The following CLVS2 variants were observed in gnomAD, a reference collection of about 807,000 sequenced individuals.
The protein encoded by CLVS2 is clavesin 2, also known as clavesin-2.
A neutral mutation model predicts 29.0 loss-of-function variants in CLVS2; 19 were observed. The ratio of observed to expected loss-of-function variants is 0.66; its 90% CI spans 0.46 to 0.96. CLVS2 has a LOEUF of 0.96. Ranked by LOEUF, CLVS2 falls within the 40% of genes least tolerant of loss-of-function variation. The pLI is 0.00. For synonymous variants in CLVS2, 161 were observed against 151.3 expected, an observed-to-expected ratio of 1.06 and a Z score of -0.47; for missense variants, 294 against 404.1, an observed-to-expected ratio of 0.73 and a Z score of 2.34.
At chr6:123,010,707 A>AT (rs1774735885) in intron 2 of CLVS2, among the ~76,000 whole-genome samples, 1 of 152,054 alleles carries the variant, frequency 6.6e-6, no homozygotes, top group Admixed American at 6.6e-5. Flanking sequence ...GTTGAATGAG[A>AT]TTTTAGAAAA....
At chr6:123,012,538 C>A (rs1027824797) in intron 3 of CLVS2, among the ~76,000 whole-genome samples, 3 of 151,142 alleles carry the variant, frequency 2.0e-5, no homozygotes, top group Admixed American at 1.3e-4. Context: ...TTGCTATTTT[C>A]CAACCTACTT....
At chr6:123,058,824 T>A (rs985177300) in intron 5 of CLVS2, among the ~76,000 whole-genome samples, 1 of 152,028 alleles carries the variant, frequency 6.6e-6, no homozygotes, top group African/African-American at 2.4e-5. Flanking sequence ...GTTAATTTTT[T>A]ATTTTTATTT....
At chr6:123,026,898 A>G (rs562862823) in intron 3 of CLVS2, among the ~76,000 whole-genome samples, 73 of 152,338 alleles carry the variant, frequency 4.8e-4, no homozygotes, top group African/African-American at 1.7e-3. Flanking sequence ...CTTTTAAACA[A>G]TATGCATTGT....
At position 123,065,476 on chromosome 6, in the gene CLVS2, C is replaced by T. The variant is rs537354821; in HGVS notation, c.*1715C>T. On this transcript the variant is annotated 3_prime_UTR_variant, in exon 6 of 6. Transcript: ENST00000275162. ...GGACTGCCTCATGTGTGTAAAAATA[C>T]ATTAATTAACACAAATGAAAGATAC... 3.9e-5 allele frequency: 6 copies of T among 151,900 alleles called. No individual in the cohort carries two copies. In the South Asian group the frequency reaches 6.2e-4, roughly 16 times the overall value. 9.4% of individuals were successfully genotyped at this position (151,900 alleles called of 1,614,324 possible).
At chr6:123,054,014 C>T (rs894167330) in intron 4 of CLVS2, among the ~76,000 whole-genome samples, 2 of 152,014 alleles carry the variant, frequency 1.3e-5, no homozygotes, top group Non-Finnish European at 2.9e-5. Context: ...AAAGTGGAAG[C>T]AAGGCCAAAG....
At chr6:123,060,059 C>T (rs900815512) in intron 5 of CLVS2, among the ~76,000 whole-genome samples, 3 of 152,184 alleles carry the variant, frequency 2.0e-5, no homozygotes, top group African/African-American at 4.8e-5. Context: ...AATGGCAGTT[C>T]GCCATCCAGG....
At chr6:123,020,558 C>T (rs954935625) in intron 3 of CLVS2, among the ~76,000 whole-genome samples, 15 of 151,942 alleles carry the variant, frequency 9.9e-5, no homozygotes, top group Admixed American at 3.9e-4. Context: ...GAGAGTTTCA[C>T]GATAAAGTCT....
intron 5 of CLVS2, among the ~76,000 whole-genome samples, chr6:123,057,924 C>T (rs1317520560): frequency 6.6e-6 from 1 of 152,052 alleles, no homozygotes; most frequent in East Asian, 1.9e-4. Context: ...AAGTTGTATG[C>T]AAAATTTTGT....
chr6:123,050,407 A>G (rs928224871), intron 4 of CLVS2, among the ~76,000 whole-genome samples: 2 of 152,172 alleles, frequency 1.3e-5, no homozygotes, highest in Non-Finnish European at 2.9e-5. Flanking sequence ...ACTTTGGAGT[A>G]TATATTGTTA....
At chr6:123,056,662 G>T (rs1772697677) in intron 5 of CLVS2, among the ~76,000 whole-genome samples, 1 of 152,150 alleles carries the variant, frequency 6.6e-6, no homozygotes, top group Non-Finnish European at 1.5e-5. Context: ...AAGGTTTTGA[G>T]GGGGTGCCTT....
chr6:122,999,900 A>T (rs1293051079), intron 2 of CLVS2, among the ~76,000 whole-genome samples: 1 of 152,170 alleles, frequency 6.6e-6, no homozygotes, highest in Non-Finnish European at 1.5e-5. Flanking sequence ...CCTAATTAAG[A>T]TGAAAGTCAC....
In CLVS2 at chr6:122,997,819, G is replaced by A. The variant is rs1405073522; in HGVS notation, c.42G>A (p.Glu14=). 2 of 1,614,026 alleles carry A rather than the reference G, an allele frequency of 1.2e-6. No homozygotes were observed. Among genetic ancestry groups the A allele is most frequent in the African/African-American group, 2.7e-5 (2 of 74,910 alleles). Reference sequence around the variant, plus strand: ...CCGGTCTCTCCCCTGAGACCCTGGAGAAAGCTCGCCTGGAGCTCAATGAAA... The same window carrying A: ...CCGGTCTCTCCCCTGAGACCCTGGAAAAAGCTCGCCTGGAGCTCAATGAAA... ...LQAGLSPETL[E]KARLELNENP... is the part of the protein sequence containing the mutation. The change falls in exon 2 of 6, where the codon GAG becomes GAA. Residue 14 remains glutamate (E), a synonymous_variant. Transcript: ENST00000275162.
In CLVS2 at chr6:123,041,959, T is replaced by C. The variant is rs1023562971; in HGVS notation, c.565-6663T>C. Among the ~76,000 whole-genome samples, 14 of 152,288 alleles carry C rather than the reference T, an allele frequency of 9.2e-5. No homozygotes were observed. The East Asian group carries it at 9.6e-4, about 10-fold the overall frequency. ...TCAAAATATATTCGTATTTCAAAAA[T>C]TGAATATTCTAAAAAAAGTTACCTA... On this transcript the variant is annotated intron_variant, in intron 3 of 5. Coordinates refer to ENST00000275162, the MANE Select transcript of CLVS2 (RefSeq NM_001010852.4).
chr6:123,035,419 G>C (rs1775139712), intron 3 of CLVS2, among the ~76,000 whole-genome samples: 1 of 152,006 alleles, frequency 6.6e-6, no homozygotes, highest in Non-Finnish European at 1.5e-5. Context: ...CTGATCCAAT[G>C]ACAATCTACA....
chr6:123,006,507 G>A (rs539435632), intron 2 of CLVS2, among the ~76,000 whole-genome samples: 1 of 152,168 alleles, frequency 6.6e-6, no homozygotes, highest in Admixed American at 6.5e-5. Flanking sequence ...CATTATATTA[G>A]GAAATAAAGC....
At chr6:123,015,242 C>A (rs895396373) in intron 3 of CLVS2, among the ~76,000 whole-genome samples, 1 of 151,966 alleles carries the variant, frequency 6.6e-6, no homozygotes, top group Non-Finnish European at 1.5e-5. Context: ...TAAAAGACTG[C>A]ATACTATATG....
intron 3 of CLVS2, among the ~76,000 whole-genome samples, chr6:123,034,409 A>G (rs1026840194): frequency 3.9e-5 from 6 of 152,160 alleles, no homozygotes; most frequent in African/African-American, 1.2e-4. Flanking sequence ...CTATTGATAC[A>G]CACAACAATT....
Position 123,071,351 on chromosome 6 carries a change from T to C in CLVS2, c.*7590T>C, listed in dbSNP as rs1772945362. 6.6e-6 allele frequency: 1 copy of C among 152,026 alleles called. No individual in the cohort carries two copies. Among genetic ancestry groups the C allele is most frequent in the South Asian group, 2.1e-4 (1 of 4,824 alleles). The allele number at this position is 152,026 out of a possible 1,614,324, so 9.4% of individuals were successfully genotyped here. A position where few individuals can be genotyped will look rare whatever the true frequency, so the allele number is the denominator to read the frequency against. Reference sequence around the variant, plus strand: ...TAATAGAATCATGAATCAAAAATGATATCCTCTTCTCCCCAATTGTGATCT... The same window carrying C: ...TAATAGAATCATGAATCAAAAATGACATCCTCTTCTCCCCAATTGTGATCT... On this transcript the variant is annotated 3_prime_UTR_variant, in exon 6 of 6. Transcript: ENST00000275162.
At chr6:123,020,244 T>A (rs1562166254) in intron 3 of CLVS2, among the ~76,000 whole-genome samples, 1 of 152,096 alleles carries the variant, frequency 6.6e-6, no homozygotes, top group African/African-American at 2.4e-5. Context: ...TCTCAGAGTT[T>A]GCATTATACT....
Sources: allele counts gnomAD v4.1 joint callset (sites outside exome capture counted in the v4.1 genomes callset), GRCh38; gene constraint gnomAD v4.1.1; transcripts MANE v1.5; gene names NCBI Gene and HGNC (gene_info 2026-07-23, HGNC 2026-07-21).